KCNT2: variants seen among roughly 807,000 people sequenced by gnomAD.
KCNT2 encodes the protein potassium channel subfamily T member 2.
KCNT2 carries 67 observed loss-of-function variants against 153.8 expected under a neutral mutation model. The observed-to-expected ratio is 0.44, with a 90% confidence interval of 0.36 to 0.53. The LOEUF is 0.53. Ranked by LOEUF, KCNT2 falls within the 20% of genes least tolerant of loss-of-function variation. The pLI is 0.00. For synonymous variants in KCNT2, 500 were observed against 458.8 expected (o/e 1.09, Z -1.15); for missense variants, 975 against 1,354.8 (o/e 0.72, Z 4.40).
intron 12 of KCNT2, among the ~76,000 whole-genome samples, chr1:196,420,030 TCTAA>T (rs1352762498): frequency 4.6e-5 from 7 of 152,056 alleles, no homozygotes; most frequent in African/African-American, 1.7e-4. Flanking sequence ...ATTGCTTCTC[TCTAA>T]CTACCATAAT....
chr1:196,552,885 C>T (rs960881737), intron 1 of KCNT2, among the ~76,000 whole-genome samples: 4 of 150,880 alleles, frequency 2.7e-5, no homozygotes, highest in African/African-American at 9.7e-5. Flanking sequence ...ATTTGCAACC[C>T]TCTTGGTCAC....
At chr1:196,405,829 T>C (rs1477960070) in intron 12 of KCNT2, among the ~76,000 whole-genome samples, 4 of 151,548 alleles carry the variant, frequency 2.6e-5, no homozygotes, top group African/African-American at 9.7e-5. Context: ...TGAAACTGAA[T>C]TGTAAAACTT....
intron 26 of KCNT2, among the ~76,000 whole-genome samples, chr1:196,255,704 C>T (rs1459084911): frequency 2.0e-5 from 3 of 151,898 alleles, no homozygotes; most frequent in Admixed American, 6.6e-5. Context: ...TTTCCATATC[C>T]AAACACATTT....
At chr1:196,287,273 T>C (rs1260326368) in intron 22 of KCNT2, among the ~76,000 whole-genome samples, 1 of 152,100 alleles carries the variant, frequency 6.6e-6, no homozygotes, top group Non-Finnish European at 1.5e-5. Flanking sequence ...GCTGTTCTTA[T>C]TGTGATACAG....
At chr1:196,374,565 A>T (rs1044206188) in intron 13 of KCNT2, among the ~76,000 whole-genome samples, 1 of 151,860 alleles carries the variant, frequency 6.6e-6, no homozygotes, top group Non-Finnish European at 1.5e-5. Flanking sequence ...ATTATAATTG[A>T]CATAAAATGT....
At chr1:196,232,326 G>A (rs753311508) in intron 27 of KCNT2, among the ~76,000 whole-genome samples, 2 of 151,702 alleles carry the variant, frequency 1.3e-5, no homozygotes, top group Non-Finnish European at 3.0e-5. Flanking sequence ...ACTTCCGAAA[G>A]TGAATTTTTA....
chr1:196,269,231 A>T (rs1657834126), intron 25 of KCNT2, among the ~76,000 whole-genome samples: 1 of 152,240 alleles, frequency 6.6e-6, no homozygotes. Context: ...TAGCAAATAT[A>T]TGTTGAGCAC....
chr1:196,476,043 TA>T (rs1392637096), intron 5 of KCNT2, among the ~76,000 whole-genome samples: 2 of 152,210 alleles, frequency 1.3e-5, no homozygotes, highest in Non-Finnish European at 2.9e-5. Context: ...ATGATTGCAA[TA>T]AAAATTATCT....
chr1:196,398,711 A>G (rs750159102), intron 12 of KCNT2, 40 bp from the exon 13 acceptor site: 1 of 1,042,388 alleles, frequency 9.6e-7, no homozygotes, highest in Non-Finnish European at 1.5e-6. Context: ...CATAAGTTAC[A>G]ATGTTTATAA....
intron 8 of KCNT2, among the ~76,000 whole-genome samples, chr1:196,463,953 A>C (rs1474173531): frequency 1.3e-5 from 2 of 151,882 alleles, no homozygotes; most frequent in African/African-American, 4.8e-5. Context: ...CATCTCAATT[A>C]TCCTTTGTCT....
intron 1 of KCNT2, among the ~76,000 whole-genome samples, chr1:196,503,655 T>C (rs1018152284): frequency 1.3e-5 from 2 of 152,160 alleles, no homozygotes; most frequent in Non-Finnish European, 1.5e-5. Flanking sequence ...GAAATATATG[T>C]GTTTGTGGAG....
intron 7 of KCNT2, 73 bp from the exon 8 acceptor site, chr1:196,465,460 A>T: frequency 1.2e-6 from 1 of 826,670 alleles, no homozygotes; most frequent in Middle Eastern, 2.5e-4. Flanking sequence ...TACATTTATT[A>T]GCATACATTT....
intron 21 of KCNT2, among the ~76,000 whole-genome samples, chr1:196,312,701 A>G (rs1212145758): frequency 6.6e-6 from 1 of 151,792 alleles, no homozygotes; most frequent in Non-Finnish European, 1.5e-5. Context: ...TAATCAACGA[A>G]TTAGAAATTG....
At chr1:196,574,866 G>A (rs1661171368) in intron 1 of KCNT2, among the ~76,000 whole-genome samples, 1 of 151,860 alleles carries the variant, frequency 6.6e-6, no homozygotes, top group Non-Finnish European at 1.5e-5. Context: ...ACAAGATAAA[G>A]CAGAGTTTTG....
At chr1:196,335,233 T>A (rs183378965) in intron 16 of KCNT2, among the ~76,000 whole-genome samples, 1 of 152,142 alleles carries the variant, frequency 6.6e-6, no homozygotes, top group African/African-American at 2.4e-5. Flanking sequence ...ATTACAGTCA[T>A]GCATTGCTTA....
intron 1 of KCNT2, among the ~76,000 whole-genome samples, chr1:196,596,428 G>A (rs1037977259): frequency 4.6e-5 from 7 of 152,016 alleles, no homozygotes; most frequent in African/African-American, 7.3e-5. Context: ...CCATTCTTGT[G>A]GGAGTGAGGT....
chr1:196,590,763 T>C (rs184385684), intron 1 of KCNT2, among the ~76,000 whole-genome samples: 10 of 152,252 alleles, frequency 6.6e-5, no homozygotes, highest in Admixed American at 6.5e-4. Flanking sequence ...CTCAACCACA[T>C]TTTATAGGTG....
At chr1:196,478,994 G>A (rs1678773996) in intron 5 of KCNT2, among the ~76,000 whole-genome samples, 185 bp downstream of exon 5, 1 of 152,132 alleles carries the variant, frequency 6.6e-6, no homozygotes, top group Non-Finnish European at 1.5e-5. Context: ...CAAAGCATTT[G>A]TAAGTCATCA....
intron 13 of KCNT2, among the ~76,000 whole-genome samples, chr1:196,384,436 A>G (rs1044979721): frequency 3.9e-5 from 6 of 152,180 alleles, no homozygotes; most frequent in Non-Finnish European, 8.8e-5. Flanking sequence ...TCACGCCTGT[A>G]ATCTTAGCAC....
Sources: gnomAD v4.1 joint callset for allele counts (sites outside exome capture counted in the v4.1 genomes callset) on GRCh38, gnomAD v4.1.1 for gene constraint, MANE v1.5 for transcripts, NCBI Gene and HGNC (gene_info 2026-07-23, HGNC 2026-07-21) for gene names.